PCDH15: variants seen among roughly 807,000 people sequenced by gnomAD.
PCDH15 encodes protocadherin-15.
In PCDH15, 129 loss-of-function variants were observed where a neutral mutation model predicts 178.5. The ratio of observed to expected loss-of-function variants is 0.72; its 90% CI spans 0.63 to 0.84. PCDH15 has a LOEUF of 0.84. Among genes scored for constraint, PCDH15 ranks in the 40% least tolerant of loss-of-function variants. The pLI, the probability that PCDH15 is intolerant of heterozygous loss-of-function variation, is 0.00. For missense variants in PCDH15, 2,230 were observed against 2,099.9 expected (o/e 1.06, Z -1.21); for synonymous variants, 800 against 732.0 (o/e 1.09, Z -1.50).
rs869240598 is a variant in PCDH15, at chr10:55,350,228, CATATATATAT to C, written c.-155-183587_-155-183578del. Among the ~76,000 whole-genome samples, 324 of 73,420 alleles carry C rather than the reference CATATATATAT, an allele frequency of 4.4e-3. 3 individuals are homozygous for C. Among genetic ancestry groups the C allele is most frequent in the East Asian group, 0.02 (48 of 2,432 alleles). The allele number at this position is 73,420 out of a possible 152,430, so 48.2% of individuals were successfully genotyped here. On this transcript the variant is annotated intron_variant, in intron 2 of 5. Transcript: ENST00000613346. ...GGTGAATATATACCATATATAAACTCATATATATATATATATATATATATATATATATATA... is the reference window on the plus strand; with the variant it reads ...GGTGAATATATACCATATATAAACTCATATATATATATATATATATATATA...
intron 1 of PCDH15, among the ~76,000 whole-genome samples, chr10:54,712,459 A>G (rs1467312268): frequency 6.6e-6 from 1 of 151,996 alleles, no homozygotes; most frequent in Non-Finnish European, 1.5e-5. Flanking sequence ...AGAACATGTC[A>G]TTTGAAGCAG....
In PCDH15 at chr10:55,005,226, A is replaced by AATAATAATAATAATAATAATCATC. The variant is rs34847205; in HGVS notation, c.-79-107727_-79-107726insGATGATTATTATTATTATTATTAT. ...GTCTCTAAATAATAATAATAATAATAATCAATGGAGCCTCTTGGTAGAATT... is the reference window on the plus strand; with the variant it reads ...GTCTCTAAATAATAATAATAATAATAATAATAATAATAATAATAATCATCATCAATGGAGCCTCTTGGTAGAATT... On this transcript the variant is annotated intron_variant, in intron 2 of 5. Coordinates refer to the PCDH15 transcript ENST00000458638. 1.4e-3 allele frequency among the ~76,000 whole-genome samples: 200 copies of AATAATAATAATAATAATAATCATC among 146,562 alleles called. 6 individuals carry two copies. Among genetic ancestry groups the AATAATAATAATAATAATAATCATC allele is most frequent in the South Asian group, 1.1e-3 (5 of 4,652 alleles).
chr10:55,553,575 G>A (rs181804167), intron 2 of PCDH15, among the ~76,000 whole-genome samples: 31 of 151,834 alleles, frequency 2.0e-4, no homozygotes, highest in Admixed American at 1.8e-3. Context: ...CTAACACAGA[G>A]GTTGCAAGGA....
chr10:53,989,380 C>T (rs982167644), intron 21 of PCDH15, among the ~76,000 whole-genome samples: 3 of 152,050 alleles, frequency 2.0e-5, no homozygotes, highest in African/African-American at 4.8e-5. Context: ...ATTAAAAGAG[C>T]ATTATTTACA....
At chr10:55,088,788 TA>T (rs144167058) in intron 2 of PCDH15, among the ~76,000 whole-genome samples, 2 of 152,082 alleles carry the variant, frequency 1.3e-5, no homozygotes, top group Non-Finnish European at 2.9e-5. Flanking sequence ...CCTTCATAAA[TA>T]AAAATATATT....
chr10:54,725,612 A>C (rs989224337), intron 1 of PCDH15, among the ~76,000 whole-genome samples: 1 of 143,420 alleles, frequency 7.0e-6, no homozygotes, highest in Non-Finnish European at 1.6e-5. Context: ...GTAATTAATA[A>C]AACACTGCAA....
chr10:53,958,978 C>CAAAAAAAAAAA (rs71004497), intron 23 of PCDH15, among the ~76,000 whole-genome samples: 1 of 45,828 alleles, frequency 2.2e-5, no homozygotes, highest in East Asian at 6.5e-4. Context: ...GACTCCATCT[C>CAAAAAAAAAAA]AAAAAAAAAA....
At chr10:54,309,419 T>C (rs902030812) in intron 8 of PCDH15, among the ~76,000 whole-genome samples, 6 of 151,748 alleles carry the variant, frequency 4.0e-5, no homozygotes, top group Non-Finnish European at 7.4e-5. Flanking sequence ...AGAGCCATGA[T>C]TATTCATATT....
At chr10:55,241,057 A>G (rs1177326186) in intron 1 of PCDH15, among the ~76,000 whole-genome samples, 2 of 152,178 alleles carry the variant, frequency 1.3e-5, no homozygotes, top group Non-Finnish European at 2.9e-5. Flanking sequence ...TCTATTAAAA[A>G]TACAAAAAAT....
chr10:55,191,117 T>G (rs989593342), intron 1 of PCDH15, among the ~76,000 whole-genome samples: 4 of 151,786 alleles, frequency 2.6e-5, no homozygotes, highest in African/African-American at 9.7e-5. Flanking sequence ...ATATGGATTT[T>G]TTTTGGTTGG....
intron 2 of PCDH15, among the ~76,000 whole-genome samples, chr10:54,968,673 G>C (rs1240944552): frequency 6.6e-6 from 1 of 152,078 alleles, no homozygotes; most frequent in Non-Finnish European, 1.5e-5. Flanking sequence ...CCCGTGTGTA[G>C]AGTCTGTCGA....
At chr10:55,188,677 CT>C (rs1236015572) in intron 1 of PCDH15, among the ~76,000 whole-genome samples, 1 of 151,552 alleles carries the variant, frequency 6.6e-6, no homozygotes, top group Admixed American at 6.6e-5. Context: ...TTACAGTATC[CT>C]TTTTTTAAAA....
chr10:55,071,226 A>C (rs537678305), intron 2 of PCDH15, among the ~76,000 whole-genome samples: 1 of 152,304 alleles, frequency 6.6e-6, no homozygotes, highest in Non-Finnish European at 1.5e-5. Flanking sequence ...TCATAATTAC[A>C]GGATCAAGTT....
intron 2 of PCDH15, among the ~76,000 whole-genome samples, chr10:54,966,101 T>C (rs1171747085): frequency 6.6e-6 from 1 of 151,926 alleles, no homozygotes; most frequent in Non-Finnish European, 1.5e-5. Context: ...TATAGGAACA[T>C]GGTCAACAGC....
intron 15 of PCDH15, among the ~76,000 whole-genome samples, chr10:54,107,248 G>GA (rs2094932236): frequency 1.3e-5 from 2 of 152,176 alleles, no homozygotes; most frequent in South Asian, 4.1e-4. Flanking sequence ...AGTATGGCTT[G>GA]AAAATCTGCT....
chr10:54,433,317 G>C (rs1290634863), intron 3 of PCDH15, among the ~76,000 whole-genome samples: 1 of 152,128 alleles, frequency 6.6e-6, no homozygotes, highest in African/African-American at 2.4e-5. Flanking sequence ...GAGGCAAAGT[G>C]TCCATCAATA....
At chr10:54,835,084 G>T (rs1403477664) in intron 3 of PCDH15, among the ~76,000 whole-genome samples, 1 of 152,100 alleles carries the variant, frequency 6.6e-6, no homozygotes, top group Non-Finnish European at 1.5e-5. Flanking sequence ...GAAGCTCAGT[G>T]CTCTTATAGT....
intron 2 of PCDH15, among the ~76,000 whole-genome samples, chr10:55,127,391 T>C (rs751234525): frequency 2.0e-5 from 3 of 152,098 alleles, no homozygotes; most frequent in Non-Finnish European, 2.9e-5. Context: ...TATGCCCTTA[T>C]TGTAGTCATT....
intron 2 of PCDH15, among the ~76,000 whole-genome samples, chr10:55,462,036 G>T (rs909613689): frequency 1.3e-4 from 19 of 151,908 alleles, no homozygotes; most frequent in Non-Finnish European, 2.2e-4. Flanking sequence ...GTTTTGTGGG[G>T]TTTTTTTACA....
Sources: allele counts gnomAD v4.1 joint callset (sites outside exome capture counted in the v4.1 genomes callset), GRCh38; gene constraint gnomAD v4.1.1; transcripts MANE v1.5; gene names NCBI Gene and HGNC (gene_info 2026-07-23, HGNC 2026-07-21).